The following RIMBP2 variants were observed in gnomAD, a reference collection of about 807,000 sequenced individuals.
RIMBP2 encodes the protein RIMS binding protein 2, also known as RIMS-binding protein 2.
Under a neutral mutation model 118.6 loss-of-function variants are expected in RIMBP2, and 48 were observed. The ratio of observed to expected loss-of-function variants is 0.40; its 90% CI spans 0.32 to 0.51. The LOEUF (loss-of-function observed/expected upper bound fraction) is 0.51, where lower values mean the gene tolerates loss of function less well. RIMBP2 is among the 20% of genes least tolerant of loss of function. The pLI is 0.41. For missense variants in RIMBP2, 1,551 were observed against 1,768.3 expected, an observed-to-expected ratio of 0.88 and a Z score of 2.20; for synonymous variants, 762 against 742.9, an observed-to-expected ratio of 1.03 and a Z score of -0.42.
intron 2 of RIMBP2, among the ~76,000 whole-genome samples, chr12:130,599,132 T>C (rs773616126): frequency 5.3e-5 from 8 of 152,242 alleles, no homozygotes; most frequent in Non-Finnish European, 1.2e-4. Context: ...TCACATCATA[T>C]GCAATAAGTA....
intron 2 of RIMBP2, among the ~76,000 whole-genome samples, chr12:130,532,788 C>A (rs80289328): frequency 1.0e-5 from 1 of 96,738 alleles, no homozygotes; most frequent in Non-Finnish European, 2.5e-5. Flanking sequence ...CTAGGAGTTA[C>A]GTCTAATGAG....
At chr12:130,448,998 C>T (rs1409323635) in intron 9 of RIMBP2, among the ~76,000 whole-genome samples, 2 of 152,250 alleles carry the variant, frequency 1.3e-5, no homozygotes, top group African/African-American at 4.8e-5. Flanking sequence ...TTTGCATGAA[C>T]AGAGTTTAAG....
intron 18 of RIMBP2, among the ~76,000 whole-genome samples, chr12:130,413,776 T>C (rs1433164739): frequency 6.6e-6 from 1 of 151,562 alleles, no homozygotes; most frequent in African/African-American, 2.4e-5. Context: ...TCCCTTTCCC[T>C]CTCCCTCCTT....
At chr12:130,458,922 T>C (rs2079703289) in intron 6 of RIMBP2, among the ~76,000 whole-genome samples, 3 of 151,454 alleles carry the variant, frequency 2.0e-5, no homozygotes, top group African/African-American at 7.3e-5. Context: ...CACGCGCCTG[T>C]AGTCCCAGCT....
intron 1 of RIMBP2, among the ~76,000 whole-genome samples, chr12:130,674,509 G>C (rs1178510895): frequency 6.6e-6 from 1 of 152,190 alleles, no homozygotes; most frequent in African/African-American, 2.4e-5. Context: ...CACCTGGGCA[G>C]TTCTGCATAG....
intron 4 of RIMBP2, among the ~76,000 whole-genome samples, chr12:130,499,766 T>C (rs2138649024): frequency 6.6e-6 from 1 of 152,298 alleles, no homozygotes; most frequent in South Asian, 2.1e-4. Flanking sequence ...TGACTATCAC[T>C]CTTCGCCTCT....
chr12:130,438,243 G>A lies in RIMBP2; in HGVS notation c.1656+122C>T, dbSNP rs2077689432. 4.5e-6 allele frequency: 5 copies of A among 1,106,910 alleles called. No homozygotes were observed. The African/African-American group carries it at 4.7e-5, about 10-fold the overall frequency. 68.6% of individuals were successfully genotyped at this position (1,106,910 alleles called of 1,614,324 possible). A position where few individuals can be genotyped will look rare whatever the true frequency, so the allele number is the denominator to read the frequency against. ...CGCTGATGGAGTCTTCGGGGTTGAG[G>A]GTGCCTCCAGTGATCAGGGCTGGAA... On this transcript the variant is annotated intron_variant, in intron 12 of 22. Transcript: ENST00000690449.
At chr12:130,709,229 AACTGTCTGG>A (rs1949719346) in intron 1 of RIMBP2, among the ~76,000 whole-genome samples, 1 of 152,244 alleles carries the variant, frequency 6.6e-6, no homozygotes, top group Admixed American at 6.5e-5. Context: ...GAAGCTGGGG[AACTGTCTGG>A]ACAGAGGCAT....
chr12:130,625,992 T>C (rs113597063), intron 2 of RIMBP2, among the ~76,000 whole-genome samples: 7 of 152,298 alleles, frequency 4.6e-5, no homozygotes, highest in South Asian at 2.1e-4. Context: ...GATAAACATA[T>C]TGTCATAAAT....
chr12:130,634,676 C>T (rs753351967), intron 1 of RIMBP2, among the ~76,000 whole-genome samples: 13 of 152,042 alleles, frequency 8.6e-5, no homozygotes, highest in Non-Finnish European at 1.6e-4. Context: ...ACTGCAGCCT[C>T]GACCTCCCAG....
At position 130,578,458 on chromosome 12, in the gene RIMBP2, C is replaced by T. The variant is rs139492688; in HGVS notation, c.-217+49864G>A. On this transcript the variant is annotated intron_variant, in intron 2 of 22. Transcript: ENST00000690449. This position sits in a 1 kb window ranked among gnomAD's most constrained non-coding sequence, Gnocchi z 4.1. ...TGCCCCTGCCTCACCTGTCCAACCT[C>T]GCCTTGACCTGACTCTCCAGCTGCA... 2.4e-3 allele frequency among the ~76,000 whole-genome samples: 370 copies of T among 152,332 alleles called. 2 individuals are homozygous for T. Among genetic ancestry groups the T allele is most frequent in the Middle Eastern group, 0.01 (3 of 294 alleles).
intron 2 of RIMBP2, among the ~76,000 whole-genome samples, chr12:130,615,981 C>G (rs977437116): frequency 1.3e-4 from 20 of 152,060 alleles, no homozygotes; most frequent in African/African-American, 4.8e-4. Flanking sequence ...TGGACAACAG[C>G]GTTTGCTTTT....
intron 15 of RIMBP2, chr12:130,425,585 G>C (rs894715292): frequency 1.3e-5 from 2 of 152,444 alleles, no homozygotes; most frequent in African/African-American, 2.4e-5. Context: ...GGGTGGCACA[G>C]AGCTGGCCAC....
Position 130,527,849 on chromosome 12 carries a change from A to G in RIMBP2, c.-216-9932T>C, listed in dbSNP as rs553672607. On this transcript the variant is annotated intron_variant, in intron 2 of 22. Coordinates refer to ENST00000690449, the MANE Select transcript of RIMBP2 (RefSeq NM_001393629.1). ...ACAAACATATGCAAAAAAGCTCAAC[A>G]TCACTGATCATTACAGAAATGCAAA... 7.9e-5 allele frequency among the ~76,000 whole-genome samples: 12 copies of G among 152,362 alleles called. No individual in the cohort carries two copies. The South Asian group carries it at 1.9e-3, about 24-fold the overall frequency.
intron 1 of RIMBP2, among the ~76,000 whole-genome samples, chr12:130,642,942 G>A (rs930580332): frequency 2.0e-5 from 3 of 152,172 alleles, no homozygotes; most frequent in African/African-American, 4.8e-5. Flanking sequence ...TCCCTCCGTG[G>A]AGCGCCATCA....
chr12:130,608,769 T>C (rs546964221), intron 2 of RIMBP2, among the ~76,000 whole-genome samples: 7 of 152,330 alleles, frequency 4.6e-5, no homozygotes, highest in African/African-American at 1.7e-4. Flanking sequence ...AGCAAGTACA[T>C]TACCTCATAG....
At position 130,701,387 on chromosome 12, in the gene RIMBP2, C is replaced by T. The variant is rs187850854; in HGVS notation, c.-352+14835G>A. Among the ~76,000 whole-genome samples the T allele has an allele frequency of 2.7e-3, 405 of 152,312 alleles. 1 individual carries two copies. The highest frequency in any genetic ancestry group is 9.4e-3 in the African/African-American group (390 of 41,550). On this transcript the variant is annotated intron_variant, in intron 1 of 22. Transcript: ENST00000690449. ...GCTACGTGGCACTTTCTGCCTTACA[C>T]TCAGCTTACATCACACGTGGAACTG...
intron 2 of RIMBP2, among the ~76,000 whole-genome samples, chr12:130,553,772 C>G (rs2056071321): frequency 6.6e-6 from 1 of 152,164 alleles, no homozygotes; most frequent in African/African-American, 2.4e-5. Flanking sequence ...CATTAAATAA[C>G]TTGACCAAAG....
At chr12:130,441,408 A>AATAATCATC (rs763616136) in intron 11 of RIMBP2, among the ~76,000 whole-genome samples, 4 of 87,134 alleles carry the variant, frequency 4.6e-5, no homozygotes, top group Admixed American at 1.0e-4. Context: ...CTCAAATAAT[A>AATAATCATC]ATAATAATAA....
Sources: allele counts gnomAD v4.1 joint callset (sites outside exome capture counted in the v4.1 genomes callset), GRCh38; gene constraint gnomAD v4.1.1; non-coding constraint Gnocchi (gnomAD v3.1); transcripts MANE v1.5; gene names NCBI Gene and HGNC (gene_info 2026-07-23, HGNC 2026-07-21).